The following KCTD1 variants were observed in gnomAD, a reference collection of about 807,000 sequenced individuals.
KCTD1 encodes the protein potassium channel tetramerization domain containing 1.
In KCTD1, 24 loss-of-function variants were observed where a neutral mutation model predicts 66.0. That is an observed-to-expected ratio of 0.36 (90% CI 0.26 to 0.51). The LOEUF is 0.51. Ranked by LOEUF, KCTD1 falls within the 20% of genes least tolerant of loss-of-function variation. KCTD1 has a pLI of 0.95. For synonymous variants in KCTD1, 511 were observed against 517.2 expected (o/e 0.99, Z 0.16); for missense variants, 943 against 1,205.2 (o/e 0.78, Z 3.22).
At chr18:26,565,443 A>C (rs926911658) in intron 1 of KCTD1, among the ~76,000 whole-genome samples, 2 of 152,336 alleles carry the variant, frequency 1.3e-5, no homozygotes, top group East Asian at 1.9e-4. Flanking sequence ...GCCTTCCCAG[A>C]GTATACTCTG....
At chr18:26,629,103 C>A (rs1213373905) in intron 1 of KCTD1, 1 of 917,866 alleles carries the variant, frequency 1.1e-6, no homozygotes, top group Non-Finnish European at 1.3e-6. Context: ...GGCAACAAAT[C>A]TACAACAAAT....
At chr18:26,593,496 G>A (rs1422685736) in intron 1 of KCTD1, among the ~76,000 whole-genome samples, 1 of 91,870 alleles carries the variant, frequency 1.1e-5, no homozygotes, top group Non-Finnish European at 2.3e-5. Flanking sequence ...AGACAAGGAG[G>A]AGGAGGAAGA....
upstream of KCTD1, among the ~76,000 whole-genome samples, chr18:26,630,809 G>A (rs567233971): frequency 6.6e-6 from 1 of 152,336 alleles, no homozygotes; most frequent in Admixed American, 6.5e-5. Context: ...AGTGACAGAC[G>A]AACTATGATC....
At chr18:26,481,518 C>A (rs968325931) in intron 2 of KCTD1, among the ~76,000 whole-genome samples, 12 of 152,134 alleles carry the variant, frequency 7.9e-5, no homozygotes, top group African/African-American at 2.9e-4. Flanking sequence ...TCGTAAAAAG[C>A]CATGTGAGCC....
At chr18:26,629,084 T>C in intron 1 of KCTD1, 3 of 747,178 alleles carry the variant, frequency 4.0e-6, no homozygotes, top group Non-Finnish European at 4.9e-6. Context: ...TCTTTCTGGC[T>C]TTGCAGATGG....
At chr18:26,497,811 T>C (rs76619421) in intron 2 of KCTD1, among the ~76,000 whole-genome samples, 5,913 of 152,200 alleles carry the variant, frequency 0.039, 161 homozygotes, top group East Asian at 0.083. Context: ...TATCTCCTAA[T>C]GATAAGGATG....
intron 1 of KCTD1, among the ~76,000 whole-genome samples, chr18:26,628,586 GTGTC>G (rs1987552054): frequency 6.6e-6 from 1 of 151,642 alleles, no homozygotes; most frequent in African/African-American, 2.4e-5. Context: ...AAAAAAAAAA[GTGTC>G]TGAGTGATTT....
chr18:26,513,421 A>G (rs1983458366), intron 1 of KCTD1, among the ~76,000 whole-genome samples: 1 of 152,074 alleles, frequency 6.6e-6, no homozygotes, highest in Non-Finnish European at 1.5e-5. Context: ...AGACATACCT[A>G]TATTTAGTAA....
At chr18:26,502,020 T>TGGCAGTAACAAC (rs1258620163) in intron 1 of KCTD1, among the ~76,000 whole-genome samples, 6 of 152,218 alleles carry the variant, frequency 3.9e-5, no homozygotes, top group African/African-American at 1.2e-4. Context: ...TATCACCTGG[T>TGGCAGTAACAAC]GGCAGTAACA....
At position 26,468,174 on chromosome 18, in the gene KCTD1, C is replaced by A. The variant is rs1980852921; in HGVS notation, c.2134-8249G>T. Among the ~76,000 whole-genome samples the A allele has an allele frequency of 1.3e-5, 2 of 152,088 alleles. No individual in the cohort carries two copies. On this transcript the variant is annotated intron_variant, in intron 3 of 4. Coordinates refer to ENST00000580059, the MANE Select transcript of KCTD1 (RefSeq NM_001142730.3). This position sits in a 1 kb window ranked among gnomAD's most constrained non-coding sequence, Gnocchi z 4.8. ...GGGCATAAAACAACAATGAGCAAAT[C>A]AGTAAAATTGGAGGGAGGGGAAAAT...
chr18:26,645,462 C>T (rs912795807), intron 1 of KCTD1, among the ~76,000 whole-genome samples: 4 of 152,118 alleles, frequency 2.6e-5, no homozygotes, highest in Non-Finnish European at 5.9e-5. Flanking sequence ...GAGTGCAGTG[C>T]TGCAAACATA....
intron 1 of KCTD1, among the ~76,000 whole-genome samples, chr18:26,567,957 C>T (rs575330679): frequency 4.5e-4 from 69 of 152,256 alleles, no homozygotes; most frequent in African/African-American, 1.5e-3. Flanking sequence ...AATATTGTTT[C>T]GAAAGCAAAA....
intron 1 of KCTD1, among the ~76,000 whole-genome samples, chr18:26,585,200 A>G (rs1479492571): frequency 6.6e-6 from 1 of 152,196 alleles, no homozygotes; most frequent in Non-Finnish European, 1.5e-5. Context: ...TCTGTTGGGA[A>G]GGTACATTCC....
At chr18:26,606,697 C>T (rs1344754100) in intron 1 of KCTD1, among the ~76,000 whole-genome samples, 2 of 152,228 alleles carry the variant, frequency 1.3e-5, no homozygotes, top group African/African-American at 4.8e-5. Flanking sequence ...GAGCCCTTGG[C>T]TGACCTGCTG....
chr18:26,483,208 C>T (rs1981738410), intron 2 of KCTD1, among the ~76,000 whole-genome samples: 1 of 152,200 alleles, frequency 6.6e-6, no homozygotes, highest in Admixed American at 6.5e-5. Flanking sequence ...TGCTGTGAGC[C>T]CACCACTCAG....
At chr18:26,643,394 G>A (rs956617956), upstream of KCTD1, among the ~76,000 whole-genome samples, 1 of 152,148 alleles carries the variant, frequency 6.6e-6, no homozygotes, top group Non-Finnish European at 1.5e-5. Flanking sequence ...AAAAAGATGC[G>A]TTGTTCAACA....
At chr18:26,591,913 T>C (rs938980526) in intron 1 of KCTD1, among the ~76,000 whole-genome samples, 2 of 152,212 alleles carry the variant, frequency 1.3e-5, no homozygotes, top group African/African-American at 4.8e-5. Context: ...GTAAAATTAG[T>C]CCCTGTAAGA....
intron 1 of KCTD1, among the ~76,000 whole-genome samples, chr18:26,536,269 T>C (rs549024431): frequency 2.6e-5 from 4 of 152,316 alleles, no homozygotes; most frequent in African/African-American, 9.6e-5. Flanking sequence ...TGTGGGATTA[T>C]TGTACATATG....
intron 1 of KCTD1, among the ~76,000 whole-genome samples, chr18:26,654,818 C>G (rs905515997): frequency 6.6e-6 from 1 of 152,188 alleles, no homozygotes; most frequent in African/African-American, 2.4e-5. Context: ...AAACATTTAA[C>G]CTACTGTCAT....
Sources: gnomAD v4.1 joint callset for allele counts (sites outside exome capture counted in the v4.1 genomes callset) on GRCh38, gnomAD v4.1.1 for gene constraint, Gnocchi (gnomAD v3.1) non-coding constraint, MANE v1.5 for transcripts, NCBI Gene and HGNC (gene_info 2026-07-23, HGNC 2026-07-21) for gene names.